GNB1: variants seen among roughly 807,000 people sequenced by gnomAD.
The protein encoded by GNB1 is G protein subunit beta 1.
In GNB1, 2 loss-of-function variants were observed where a neutral mutation model predicts 42.9. The ratio of observed to expected loss-of-function variants is 0.05; its 90% CI spans 0.02 to 0.15. The LOEUF is 0.15. Among genes scored for constraint, GNB1 ranks in the 10% least tolerant of loss-of-function variants. GNB1 has a pLI of 1.00. For synonymous variants in GNB1, 183 were observed against 174.7 expected, an observed-to-expected ratio of 1.05 and a Z score of -0.38; for missense variants, 193 against 462.2, an observed-to-expected ratio of 0.42 and a Z score of 5.34.
At chr1:1,791,621 C>T (rs983371879) in intron 8 of GNB1, among the ~76,000 whole-genome samples, 1 of 152,116 alleles carries the variant, frequency 6.6e-6, no homozygotes, top group East Asian at 1.9e-4. Context: ...TCCTGTGCCT[C>T]GACCCATGGA....
chr1:1,811,081 ATT>A (rs70937196), intron 5 of GNB1, among the ~76,000 whole-genome samples: 24 of 73,142 alleles, frequency 3.3e-4, no homozygotes, highest in East Asian at 6.9e-4. Context: ...ATATATATAT[ATT>A]TTTTTTTTTT....
intron 5 of GNB1, among the ~76,000 whole-genome samples, chr1:1,814,139 G>A (rs754158322): frequency 8.6e-5 from 13 of 151,766 alleles, no homozygotes; most frequent in Non-Finnish European, 1.9e-4. Context: ...GAACCATCAT[G>A]CGAGCTCTCA....
At chr1:1,842,833 A>G (rs1647369761) in intron 1 of GNB1, among the ~76,000 whole-genome samples, 2 of 152,264 alleles carry the variant, frequency 1.3e-5, no homozygotes, top group Non-Finnish European at 2.9e-5. Flanking sequence ...GGCACACAGG[A>G]GTAAACAGTG....
At chr1:1,809,303 T>G (rs1646744937) in intron 5 of GNB1, among the ~76,000 whole-genome samples, 1 of 151,566 alleles carries the variant, frequency 6.6e-6, no homozygotes, top group African/African-American at 2.4e-5. Flanking sequence ...GCCTTCCCAT[T>G]AGCTGGAATT....
intron 5 of GNB1, among the ~76,000 whole-genome samples, chr1:1,808,580 G>A (rs1016459357): frequency 6.6e-5 from 10 of 152,228 alleles, no homozygotes; most frequent in Non-Finnish European, 1.5e-4. Context: ...TACGGTAAAT[G>A]ATAGTATAAG....
chr1:1,823,533 T>G (rs1278461760), intron 3 of GNB1, among the ~76,000 whole-genome samples: 4 of 152,218 alleles, frequency 2.6e-5, no homozygotes, highest in Non-Finnish European at 5.9e-5. Context: ...CAGAACACAT[T>G]TGATTAATTT....
chr1:1,838,554 C>T (rs1033168293), intron 2 of GNB1, among the ~76,000 whole-genome samples: 1 of 151,600 alleles, frequency 6.6e-6, no homozygotes, highest in Admixed American at 6.6e-5. Context: ...ACATCATTCT[C>T]CTGACTCAGC....
intron 1 of GNB1, among the ~76,000 whole-genome samples, chr1:1,876,463 G>A (rs998862748): frequency 6.6e-6 from 1 of 151,474 alleles, no homozygotes; most frequent in Non-Finnish European, 1.5e-5. Context: ...GAAAAAGAGA[G>A]AGCAAGAGAG....
chr1:1,833,849 T>G (rs547567372), intron 2 of GNB1, among the ~76,000 whole-genome samples: 1 of 152,282 alleles, frequency 6.6e-6, no homozygotes, highest in East Asian at 1.9e-4. Flanking sequence ...CCTTAGGATT[T>G]TGCCTGTGCC....
intron 2 of GNB1, among the ~76,000 whole-genome samples, chr1:1,836,387 CTTTTTTTTTTTT>C (rs34812880): frequency 1.2e-5 from 1 of 85,150 alleles, no homozygotes; most frequent in Non-Finnish European, 2.4e-5. Context: ...CTTAATATTG[CTTTTTTTTTTTT>C]TTTTTTTTTT....
intron 7 of GNB1, among the ~76,000 whole-genome samples, chr1:1,795,736 G>C (rs1045945603): frequency 2.2e-5 from 3 of 137,770 alleles, no homozygotes; most frequent in Non-Finnish European, 4.8e-5. Flanking sequence ...CTGGGCAACA[G>C]AGTGAGACTC....
chr1:1,842,434 CAAA>C (rs758786067), intron 1 of GNB1, among the ~76,000 whole-genome samples: 1 of 91,318 alleles, frequency 1.1e-5, no homozygotes. Flanking sequence ...GACTCCATCT[CAAA>C]AAAAAAAAAA....
intron 1 of GNB1, among the ~76,000 whole-genome samples, chr1:1,852,901 G>A (rs918870558): frequency 1.3e-5 from 2 of 152,056 alleles, no homozygotes; most frequent in African/African-American, 4.8e-5. Flanking sequence ...CTCAAGTCGA[G>A]GATCCACTCC....
At chr1:1,824,807 C>T (rs868864654) in intron 3 of GNB1, among the ~76,000 whole-genome samples, 7 of 152,160 alleles carry the variant, frequency 4.6e-5, no homozygotes, top group African/African-American at 1.7e-4. Flanking sequence ...CTCCCGACCT[C>T]AGGTGATCCA....
intron 2 of GNB1, among the ~76,000 whole-genome samples, chr1:1,835,485 G>A (rs1056653758): frequency 1.3e-5 from 2 of 152,170 alleles, no homozygotes; most frequent in African/African-American, 4.8e-5. Flanking sequence ...ATGAAAGCAG[G>A]TGTAAAACTG....
Position 1,787,718 on chromosome 1 carries a change from G to A in GNB1, c.917-281C>T, listed in dbSNP as rs1646425071. On this transcript the variant is annotated intron_variant, in intron 10 of 11. Coordinates refer to ENST00000378609, the MANE Select transcript of GNB1 (RefSeq NM_002074.5). The surrounding 1 kb of genome is among the most constrained non-coding windows in gnomAD (Gnocchi z 4.4). ...TCACTTATAAAACTTAAAAAAAGAA[G>A]CAAAGGCCACTATCAAAAAAATCAA... Among the ~76,000 whole-genome samples the A allele has an allele frequency of 6.6e-6, 1 of 152,090 alleles. No individual in the cohort carries two copies. Among genetic ancestry groups the A allele is most frequent in the Non-Finnish European group, 1.5e-5 (1 of 68,022 alleles).
intron 1 of GNB1, among the ~76,000 whole-genome samples, chr1:1,850,660 C>CT (rs1283947490): frequency 6.6e-6 from 1 of 151,986 alleles, no homozygotes; most frequent in Non-Finnish European, 1.5e-5. Flanking sequence ...TGCTGTATAC[C>CT]TTTCTCACTC....
At chr1:1,880,462 C>T (rs1382090930) in intron 1 of GNB1, among the ~76,000 whole-genome samples, 1 of 151,890 alleles carries the variant, frequency 6.6e-6, no homozygotes, top group Non-Finnish European at 1.5e-5. Flanking sequence ...GTGGGGGGTG[C>T]CTGTAGTCCC....
At chr1:1,811,056 T>C (rs930242074) in intron 5 of GNB1, among the ~76,000 whole-genome samples, 7 of 146,368 alleles carry the variant, frequency 4.8e-5, no homozygotes, top group African/African-American at 1.8e-4. Flanking sequence ...CGCATGTTTG[T>C]GGGTATATAT....
Sources: gnomAD v4.1 joint callset for allele counts (sites outside exome capture counted in the v4.1 genomes callset) on GRCh38, gnomAD v4.1.1 for gene constraint, Gnocchi (gnomAD v3.1) non-coding constraint, MANE v1.5 for transcripts, NCBI Gene and HGNC (gene_info 2026-07-23, HGNC 2026-07-21) for gene names.